The following GRM5 variants were observed in gnomAD, a reference collection of about 807,000 sequenced individuals.
GRM5 encodes the protein metabotropic glutamate receptor 5.
GRM5 carries 19 observed loss-of-function variants against 83.1 expected under a neutral mutation model. The observed-to-expected ratio is 0.23, with a 90% CI of 0.16 to 0.34. The LOEUF (loss-of-function observed/expected upper bound fraction) is 0.34. GRM5 is among the 10% of genes least tolerant of loss of function. The pLI, the probability that GRM5 is intolerant of heterozygous loss-of-function variation, is 1.00. For synonymous variants in GRM5, 675 were observed against 633.6 expected (o/e 1.07, Z -0.98); for missense variants, 1,160 against 1,588.3 (o/e 0.73, Z 4.58).
intron 2 of GRM5, among the ~76,000 whole-genome samples, chr11:88,916,801 T>C (rs1478265280): frequency 6.6e-6 from 1 of 152,014 alleles, no homozygotes; most frequent in African/African-American, 2.4e-5. Flanking sequence ...GCAACTTCGG[T>C]AACAGCTCAG....
intron 3 of GRM5, among the ~76,000 whole-genome samples, chr11:88,687,566 TATATATATATATAATATA>T (rs1940671050): frequency 5.6e-5 from 1 of 17,778 alleles, no homozygotes; most frequent in African/African-American, 2.7e-4. Context: ...ATATATTATA[TATATATATATATAATATA>T]TATATATATA....
intron 3 of GRM5, among the ~76,000 whole-genome samples, chr11:88,713,789 G>T (rs997948112): frequency 2.6e-5 from 4 of 151,812 alleles, no homozygotes; most frequent in Non-Finnish European, 5.9e-5. Context: ...ATTCATTTGG[G>T]GGCCTAAATG....
intron 3 of GRM5, among the ~76,000 whole-genome samples, chr11:88,772,527 G>A (rs1239503492): frequency 6.6e-6 from 1 of 151,688 alleles, no homozygotes; most frequent in Non-Finnish European, 1.5e-5. Context: ...GTATACATGT[G>A]CCATGTTGCT....
At chr11:89,046,311 T>C (rs1467735201) in intron 2 of GRM5, among the ~76,000 whole-genome samples, 1 of 152,202 alleles carries the variant, frequency 6.6e-6, no homozygotes, top group African/African-American at 2.4e-5. Context: ...AATACAATAA[T>C]TCGATGATTT....
chr11:88,638,229 A>G (rs1401581171), intron 4 of GRM5, among the ~76,000 whole-genome samples: 2 of 151,564 alleles, frequency 1.3e-5, no homozygotes, highest in Non-Finnish European at 2.9e-5. Context: ...TGGGTGCAGC[A>G]CACCAGCATG....
intron 3 of GRM5, among the ~76,000 whole-genome samples, chr11:88,706,919 C>A (rs1941173156): frequency 6.6e-6 from 1 of 152,020 alleles, no homozygotes; most frequent in Admixed American, 6.6e-5. Context: ...AGTTGACGAT[C>A]TTATATTTAA....
chr11:88,836,935 T>A (rs530685658), intron 3 of GRM5, among the ~76,000 whole-genome samples: 2 of 152,242 alleles, frequency 1.3e-5, no homozygotes, highest in Admixed American at 6.5e-5. Flanking sequence ...TCTCTGTAGA[T>A]GTTTACACAC....
At chr11:88,766,042 C>T (rs143665012) in intron 3 of GRM5, among the ~76,000 whole-genome samples, 175 of 151,680 alleles carry the variant, frequency 1.2e-3, no homozygotes, top group African/African-American at 3.9e-3. Flanking sequence ...TAGAGATTTA[C>T]CCAAAGAAGG....
chr11:88,765,395 G>T, intron 3 of GRM5, among the ~76,000 whole-genome samples: 2 of 123,440 alleles, frequency 1.6e-5, no homozygotes, highest in Admixed American at 8.1e-5. Flanking sequence ...AAGACAATTT[G>T]AAAAAAAAAA....
At chr11:88,545,010 A>G (rs1333310191) in intron 8 of GRM5, among the ~76,000 whole-genome samples, 4 of 152,188 alleles carry the variant, frequency 2.6e-5, no homozygotes, top group Admixed American at 1.3e-4. Flanking sequence ...AACTTCCTCA[A>G]AGAGATGGGA....
At chr11:88,871,533 T>C (rs769474905) in intron 2 of GRM5, among the ~76,000 whole-genome samples, 3 of 151,530 alleles carry the variant, frequency 2.0e-5, no homozygotes, top group Non-Finnish European at 4.4e-5. Flanking sequence ...ACTGTCTTAG[T>C]GAAGCAGTAG....
At chr11:88,847,796 G>A (rs1590908914) in intron 3 of GRM5, among the ~76,000 whole-genome samples, 1 of 152,032 alleles carries the variant, frequency 6.6e-6, no homozygotes, top group East Asian at 1.9e-4. Flanking sequence ...TAAATGATAT[G>A]GAAAGAACTC....
intron 2 of GRM5, among the ~76,000 whole-genome samples, chr11:88,979,281 T>C (rs1235733449): frequency 6.6e-6 from 1 of 152,184 alleles, no homozygotes; most frequent in East Asian, 1.9e-4. Flanking sequence ...CTCACTATCA[T>C]GATTTCATAA....
chr11:88,704,987 T>G (rs1255868571), intron 3 of GRM5, among the ~76,000 whole-genome samples: 1 of 152,100 alleles, frequency 6.6e-6, no homozygotes, highest in Non-Finnish European at 1.5e-5. Flanking sequence ...TCTTATTTTA[T>G]CTCACCATCT....
intron 3 of GRM5, among the ~76,000 whole-genome samples, chr11:88,778,763 G>GTCTT (rs1942913979): frequency 6.6e-6 from 1 of 152,144 alleles, no homozygotes; most frequent in Non-Finnish European, 1.5e-5. Context: ...GCCAGGTCCT[G>GTCTT]TCTTTAAGTG....
intron 2 of GRM5, among the ~76,000 whole-genome samples, chr11:88,902,056 C>G (rs1945322024): frequency 6.6e-6 from 1 of 152,090 alleles, no homozygotes; most frequent in South Asian, 2.1e-4. Context: ...TAGACGATCC[C>G]CTGAGAAGGT....
chr11:88,776,148 G>A (rs1265546077), intron 3 of GRM5, among the ~76,000 whole-genome samples: 1 of 152,094 alleles, frequency 6.6e-6, no homozygotes, highest in African/African-American at 2.4e-5. Flanking sequence ...TATATATTTA[G>A]GATAGTTAGC....
chr11:88,887,147 A>C (rs1945058092), intron 2 of GRM5, among the ~76,000 whole-genome samples: 1 of 152,314 alleles, frequency 6.6e-6, no homozygotes, highest in South Asian at 2.1e-4. Context: ...TTCAACAATT[A>C]GGATTAAAAT....
intron 3 of GRM5, among the ~76,000 whole-genome samples, chr11:88,847,916 T>C (rs139727168): frequency 7.2e-4 from 109 of 152,320 alleles, no homozygotes; most frequent in Middle Eastern, 3.4e-3. Context: ...TAAAAGCCAA[T>C]CTATTTACTT....
Sources: gnomAD v4.1 joint callset for allele counts (sites outside exome capture counted in the v4.1 genomes callset) on GRCh38, gnomAD v4.1.1 for gene constraint, MANE v1.5 for transcripts, NCBI Gene and HGNC (gene_info 2026-07-23, HGNC 2026-07-21) for gene names.